CRIM1: variants seen among roughly 807,000 people sequenced by gnomAD.
CRIM1 encodes cysteine-rich motor neuron 1 protein.
Under a neutral mutation model 116.4 loss-of-function variants are expected in CRIM1, and 32 were observed. The ratio of observed to expected loss-of-function variants is 0.27; its 90% CI spans 0.21 to 0.37. The LOEUF is 0.37. Ranked by LOEUF, CRIM1 falls within the 10% of genes least tolerant of loss-of-function variation. The probability of loss-of-function intolerance (pLI) is 1.00; values close to 1 mark genes in which losing one functional copy is unlikely to be tolerated. For missense variants in CRIM1, 1,331 were observed against 1,354.8 expected, an observed-to-expected ratio of 0.98 and a Z score of 0.28; for synonymous variants, 590 against 509.2, an observed-to-expected ratio of 1.16 and a Z score of -2.13.
chr2:36,444,400 T>A (rs953215927), intron 4 of CRIM1, among the ~76,000 whole-genome samples: 2 of 152,188 alleles, frequency 1.3e-5, no homozygotes, highest in African/African-American at 4.8e-5. Flanking sequence ...TAGATTTCTT[T>A]CCGTCTGGAT....
intron 1 of CRIM1, among the ~76,000 whole-genome samples, chr2:36,387,038 G>A (rs1051533431): frequency 6.6e-6 from 1 of 152,224 alleles, no homozygotes; most frequent in African/African-American, 2.4e-5. Flanking sequence ...CTGGCTTTGT[G>A]TTATTCCATG....
chr2:36,531,410 T>G (rs183771690), intron 13 of CRIM1, among the ~76,000 whole-genome samples: 5 of 151,990 alleles, frequency 3.3e-5, no homozygotes, highest in African/African-American at 1.2e-4. Flanking sequence ...TTTTGTTTTT[T>G]TTTTTTTCCA....
At position 36,442,671 on chromosome 2, in the gene CRIM1, C is replaced by G. The variant is rs369675156; in HGVS notation, c.805C>G (p.Pro269Ala). 48 of 1,613,966 alleles carry G rather than the reference C, an allele frequency of 3.0e-5. No homozygotes were observed. Among genetic ancestry groups the G allele is most frequent in the African/African-American group, 1.6e-4 (12 of 74,916 alleles). The change falls in exon 4 of 17, where the codon CCC becomes GCC. Residue 269 changes from proline to alanine, a missense_variant. Physicochemically the swap from Pro to Ala is conservative, Grantham distance 27. Transcript: ENST00000280527. Reference protein sequence around the residue: ...ECPPVQQTACPPDSYETQVRL... With the variant: ...ECPPVQQTACAPDSYETQVRL... ...CCCTCCTGTTCAGCAGACCGCGTGTCCCCCGGACAGCTATGAAACTCAAGT... is the reference window on the plus strand; with the variant it reads ...CCCTCCTGTTCAGCAGACCGCGTGTGCCCCGGACAGCTATGAAACTCAAGT...
At position 36,537,503 on chromosome 2, in the gene CRIM1, TGAGCCCATCAACGTG is replaced by T; in HGVS notation, c.2583_2597del (p.Pro862_Glu866del). On this transcript the variant is annotated inframe_deletion, in exon 14 of 17. Coordinates refer to ENST00000280527, the MANE Select transcript of CRIM1 (RefSeq NM_016441.3). Reference sequence around the variant, plus strand: ...TCAGCTGCCCCCCTCTGCCCTGTGTTGAGCCCATCAACGTGGAAGGAAGTTGCTGCCCAATGTGTC... The same window carrying T: ...TCAGCTGCCCCCCTCTGCCCTGTGTTGAAGGAAGTTGCTGCCCAATGTGTC... 1 of 1,613,890 alleles carries T rather than the reference TGAGCCCATCAACGTG, an allele frequency of 6.2e-7. No individual in the cohort carries two copies. Among genetic ancestry groups the T allele is most frequent in the South Asian group, 1.1e-5 (1 of 91,026 alleles).
chr2:36,486,644 C>T (rs1679839711), intron 7 of CRIM1, among the ~76,000 whole-genome samples: 1 of 152,034 alleles, frequency 6.6e-6, no homozygotes, highest in African/African-American at 2.4e-5. Context: ...TCTTTATTTC[C>T]TCTGCTGTCT....
chr2:36,533,735 C>A (rs563694032), intron 13 of CRIM1, among the ~76,000 whole-genome samples: 1 of 152,186 alleles, frequency 6.6e-6, no homozygotes, highest in African/African-American at 2.4e-5. Context: ...TACATAAACC[C>A]TGTATGCTGT....
intron 8 of CRIM1, among the ~76,000 whole-genome samples, chr2:36,505,862 C>A (rs1199826476): frequency 6.6e-6 from 1 of 152,162 alleles, no homozygotes; most frequent in African/African-American, 2.4e-5. Flanking sequence ...AGGAGCACCT[C>A]CTTCTGCCAT....
At chr2:36,510,548 C>A (rs1282397593) in intron 9 of CRIM1, among the ~76,000 whole-genome samples, 1 of 152,218 alleles carries the variant, frequency 6.6e-6, no homozygotes, top group Non-Finnish European at 1.5e-5. Flanking sequence ...ACCGACCCCC[C>A]ACTCACTTGA....
At chr2:36,436,860 A>C (rs887983723) in intron 2 of CRIM1, among the ~76,000 whole-genome samples, 3 of 152,236 alleles carry the variant, frequency 2.0e-5, no homozygotes, top group African/African-American at 7.2e-5. Context: ...CTATGCAGAA[A>C]TTTAATATCA....
chr2:36,371,825 T>C (rs1304530817), intron 1 of CRIM1, among the ~76,000 whole-genome samples: 3 of 152,218 alleles, frequency 2.0e-5, no homozygotes, highest in South Asian at 4.1e-4. Flanking sequence ...GGATCTGATA[T>C]ACTAAACGGT....
At chr2:36,392,345 C>A (rs1215957328) in intron 1 of CRIM1, among the ~76,000 whole-genome samples, 1 of 152,194 alleles carries the variant, frequency 6.6e-6, no homozygotes, top group Non-Finnish European at 1.5e-5. Context: ...AGAGGTACCT[C>A]AGTTGTCTTC....
chr2:36,452,652 G>A (rs2023549), intron 4 of CRIM1, among the ~76,000 whole-genome samples: 44,822 of 151,788 alleles, frequency 0.3, 6,742 homozygotes, highest in South Asian at 0.37. Context: ...CTTCAGATGC[G>A]TGCGTGCTGT....
At chr2:36,377,864 A>C (rs1275369097) in intron 1 of CRIM1, among the ~76,000 whole-genome samples, 1 of 152,196 alleles carries the variant, frequency 6.6e-6, no homozygotes, top group Non-Finnish European at 1.5e-5. Context: ...GGCTGCTGGC[A>C]GGGGAGTAGA....
intron 2 of CRIM1, among the ~76,000 whole-genome samples, chr2:36,434,669 A>T (rs565178273): frequency 6.6e-6 from 1 of 152,380 alleles, no homozygotes; most frequent in Admixed American, 6.5e-5. Context: ...CAGCATGACC[A>T]TGAGAATTTA....
intron 2 of CRIM1, among the ~76,000 whole-genome samples, chr2:36,409,816 G>T (rs1021215353): frequency 1.3e-5 from 2 of 152,172 alleles, no homozygotes; most frequent in African/African-American, 4.8e-5. Flanking sequence ...TTAAATATTT[G>T]AGTTTTTTTA....
intron 5 of CRIM1, among the ~76,000 whole-genome samples, chr2:36,469,523 C>T (rs541865363): frequency 1.3e-5 from 2 of 152,208 alleles, no homozygotes; most frequent in South Asian, 2.1e-4. Flanking sequence ...TTGGCCCTGA[C>T]AGAATTTTCT....
At chr2:36,533,638 G>A (rs1480052917) in intron 13 of CRIM1, among the ~76,000 whole-genome samples, 9 of 152,102 alleles carry the variant, frequency 5.9e-5, no homozygotes, top group Admixed American at 5.9e-4. Context: ...TGCCTCCAAG[G>A]CATTCAGAGT....
chr2:36,382,937 G>A (rs1435556196), intron 1 of CRIM1, among the ~76,000 whole-genome samples: 2 of 152,196 alleles, frequency 1.3e-5, no homozygotes, highest in Admixed American at 1.3e-4. Context: ...TCTGCATTTG[G>A]TATTTCCTTT....
At chr2:36,402,545 G>T (rs554489885) in intron 2 of CRIM1, among the ~76,000 whole-genome samples, 1 of 152,076 alleles carries the variant, frequency 6.6e-6, no homozygotes, top group South Asian at 2.1e-4. Context: ...TTAAAGGATT[G>T]TGAGCAAAGG....
Sources: gnomAD v4.1 joint callset for allele counts (sites outside exome capture counted in the v4.1 genomes callset) on GRCh38, gnomAD v4.1.1 for gene constraint, MANE v1.5 for transcripts, NCBI Gene and HGNC (gene_info 2026-07-23, HGNC 2026-07-21) for gene names.